The following CGNL1 variants were observed in gnomAD, a reference collection of about 807,000 sequenced individuals.
The protein encoded by CGNL1 is cingulin like 1, also known as cingulin-like protein 1.
Under a neutral mutation model 141.2 loss-of-function variants are expected in CGNL1, and 132 were observed. The ratio of observed to expected loss-of-function variants is 0.93; its 90% CI spans 0.81 to 1.08. CGNL1 has a LOEUF of 1.08. Among genes scored for constraint, CGNL1 ranks in the 50% least tolerant of loss-of-function variants. The pLI is 0.00. For synonymous variants in CGNL1, 690 were observed against 622.1 expected (o/e 1.11, Z -1.63); for missense variants, 1,870 against 1,588.6 (o/e 1.18, Z -3.01).
Position 57,453,808 on chromosome 15 carries a change from C to T in CGNL1, c.2180C>T (p.Ala727Val). The change falls in exon 7 of 19, where the codon GCT becomes GTT. Residue 727 changes from alanine (A) to valine (V), a missense_variant. Transcript: ENST00000281282. ...AKRSEDREKG[A>V]LIEELLQAKQ... Reference sequence around the variant, plus strand: ...CGATCGGAGGACAGGGAGAAGGGAGCTCTGATTGAGGTAAGCAGGGCTGTG... The same window carrying T: ...CGATCGGAGGACAGGGAGAAGGGAGTTCTGATTGAGGTAAGCAGGGCTGTG... 1.2e-6 allele frequency: 2 copies of T among 1,613,446 alleles called. No individual in the cohort carries two copies. The highest frequency in any genetic ancestry group is 1.7e-4 in the Middle Eastern group (1 of 5,884).
chr15:57,547,060 A>G (rs1043802269), intron 18 of CGNL1, among the ~76,000 whole-genome samples: 10 of 152,218 alleles, frequency 6.6e-5, no homozygotes, highest in African/African-American at 2.2e-4. Context: ...TGAACAAGAT[A>G]CCAAAATTTT....
intron 8 of CGNL1, among the ~76,000 whole-genome samples, chr15:57,511,290 T>G (rs2030284448): frequency 6.6e-6 from 1 of 152,220 alleles, no homozygotes; most frequent in African/African-American, 2.4e-5. Context: ...CTATATCTAC[T>G]AATCTGTCCC....
At chr15:57,433,693 G>A (rs1353728723) in intron 1 of CGNL1, among the ~76,000 whole-genome samples, 3 of 152,200 alleles carry the variant, frequency 2.0e-5, no homozygotes, top group Admixed American at 1.3e-4. Flanking sequence ...CAGCCTGGAG[G>A]TCTGTTCTCT....
At chr15:57,482,790 T>TC (rs2063741493) in intron 8 of CGNL1, among the ~76,000 whole-genome samples, 2 of 126,868 alleles carry the variant, frequency 1.6e-5, no homozygotes, top group Non-Finnish European at 1.6e-5. Context: ...CTTTTCTCTC[T>TC]TTTTTTTTTT....
chr15:57,411,529 C>T (rs1465814630), intron 1 of CGNL1, among the ~76,000 whole-genome samples: 3 of 151,708 alleles, frequency 2.0e-5, no homozygotes, highest in Non-Finnish European at 4.4e-5. Context: ...CTGCAACCTC[C>T]ACCTACCAGG....
chr15:57,389,002 T>G (rs2062513686), intron 1 of CGNL1, among the ~76,000 whole-genome samples: 1 of 152,122 alleles, frequency 6.6e-6, no homozygotes, highest in Admixed American at 6.5e-5. Flanking sequence ...AAATGAAGAC[T>G]TCGGAGTCAA....
intron 1 of CGNL1, among the ~76,000 whole-genome samples, chr15:57,385,727 G>A (rs1170449179): frequency 6.6e-6 from 1 of 152,166 alleles, no homozygotes; most frequent in African/African-American, 2.4e-5. Flanking sequence ...TCTCAAACAG[G>A]GTCCCCCCAA....
rs483352760 is a variant in CGNL1, at chr15:57,461,811, T to C, written c.2322T>C (p.His774=). The C allele has an allele frequency of 2.5e-6, 4 of 1,613,922 alleles. No homozygotes were observed. The highest frequency in any genetic ancestry group is 2.2e-5 in the East Asian group (1 of 44,858). Residue 774 remains histidine (H), a synonymous_variant, in exon 8 of 19, where the codon CAT becomes CAC. Coordinates refer to ENST00000281282, the MANE Select transcript of CGNL1 (RefSeq NM_032866.5). The part of the protein sequence containing the change: ...KGALKEEVSS[H]DQEMDKLKEQ... ...CCCTGAAAGAAGAGGTTTCCAGCCATGATCAGGAGATGGACAAGCTGAAGG... is the reference window on the plus strand; with the variant it reads ...CCCTGAAAGAAGAGGTTTCCAGCCACGATCAGGAGATGGACAAGCTGAAGG...
intron 1 of CGNL1, among the ~76,000 whole-genome samples, chr15:57,382,509 T>G (rs2062435622): frequency 6.6e-6 from 1 of 152,220 alleles, no homozygotes; most frequent in African/African-American, 2.4e-5. Flanking sequence ...ACGTAATCGT[T>G]CAGGTGATTG....
At chr15:57,501,096 A>G (rs1404631083) in intron 8 of CGNL1, among the ~76,000 whole-genome samples, 3 of 152,216 alleles carry the variant, frequency 2.0e-5, no homozygotes, top group Non-Finnish European at 4.4e-5. Flanking sequence ...TGATTAATTC[A>G]GTAACCTTGG....
At chr15:57,465,577 G>A (rs978621290) in intron 8 of CGNL1, among the ~76,000 whole-genome samples, 5 of 151,634 alleles carry the variant, frequency 3.3e-5, no homozygotes, top group African/African-American at 7.3e-5. Flanking sequence ...TTTTAGTAGA[G>A]ACCGGGTTTC....
intron 7 of CGNL1, among the ~76,000 whole-genome samples, chr15:57,454,143 T>C (rs1477861730): frequency 6.6e-6 from 1 of 152,130 alleles, no homozygotes; most frequent in East Asian, 1.9e-4. Flanking sequence ...TAATTGAGGG[T>C]CAGAAAAAGA....
chr15:57,402,978 A>G (rs1182888599), intron 1 of CGNL1, among the ~76,000 whole-genome samples: 1 of 152,184 alleles, frequency 6.6e-6, no homozygotes, highest in Non-Finnish European at 1.5e-5. Context: ...AAATGAAAAT[A>G]TAAGGGGTGG....
At chr15:57,521,391 G>C (rs1446573449) in intron 10 of CGNL1, among the ~76,000 whole-genome samples, 1 of 152,156 alleles carries the variant, frequency 6.6e-6, no homozygotes, top group Non-Finnish European at 1.5e-5. Context: ...TATATTTTAA[G>C]TACAGACACC....
At position 57,524,748 on chromosome 15, in the gene CGNL1, T is replaced by C. The variant is rs201950071; in HGVS notation, c.3036T>C (p.Asp1012=). The change falls in exon 12 of 19, where the codon GAT becomes GAC. Residue 1012 remains aspartate (D), a synonymous_variant. Transcript: ENST00000281282. ...GACTGACAGCCATGAAAATGCAGGA[T>C]GAGGTAATGCCTGGCCAGATAAGTT... ...KSRLTAMKMQ[D]EMRLMEEELR... The C allele has an allele frequency of 2.8e-5, 45 of 1,613,956 alleles. No homozygotes were observed. Among genetic ancestry groups the C allele is most frequent in the Non-Finnish European group, 3.6e-5 (42 of 1,179,900 alleles).
chr15:57,543,097 A>G (rs28507301), intron 14 of CGNL1, among the ~76,000 whole-genome samples: 14,495 of 152,168 alleles, frequency 0.095, 1,079 homozygotes, highest in African/African-American at 0.21. Context: ...TCAGAGTGTT[A>G]CCAGGGCCAT....
rs555855598 is a variant in CGNL1, at chr15:57,505,416, C to T, written c.2404-11364C>T. Among the ~76,000 whole-genome samples, 7 of 152,310 alleles carry T rather than the reference C, an allele frequency of 4.6e-5. No homozygotes were observed. In the East Asian group the frequency reaches 9.7e-4, roughly 21 times the overall value. ...TCAGGTGACTATACCAGGATCAGGACGTTTCTATTCTGGCCCCATTCCCCT... is the reference window on the plus strand; with the variant it reads ...TCAGGTGACTATACCAGGATCAGGATGTTTCTATTCTGGCCCCATTCCCCT... On this transcript the variant is annotated intron_variant, in intron 8 of 18. Coordinates refer to ENST00000281282, the MANE Select transcript of CGNL1 (RefSeq NM_032866.5).
intron 8 of CGNL1, among the ~76,000 whole-genome samples, chr15:57,506,902 CTT>C (rs1239248731): frequency 1.5e-4 from 23 of 152,316 alleles, no homozygotes; most frequent in African/African-American, 5.5e-4. Flanking sequence ...GGCCTGCACT[CTT>C]TTTGTTTTCT....
intron 8 of CGNL1, among the ~76,000 whole-genome samples, chr15:57,509,534 C>T (rs1157822511): frequency 1.3e-5 from 2 of 152,198 alleles, no homozygotes; most frequent in Non-Finnish European, 2.9e-5. Flanking sequence ...CCTCAGCTTC[C>T]TGAGTCAGGC....
Sources: gnomAD v4.1 joint callset for allele counts (sites outside exome capture counted in the v4.1 genomes callset) on GRCh38, gnomAD v4.1.1 for gene constraint, MANE v1.5 for transcripts, NCBI Gene and HGNC (gene_info 2026-07-23, HGNC 2026-07-21) for gene names.